The following NAPA variants were observed in gnomAD, a reference collection of about 807,000 sequenced individuals.
NAPA encodes alpha-soluble NSF attachment protein.
In NAPA, 18 loss-of-function variants were observed where a neutral mutation model predicts 48.0. That is an observed-to-expected ratio of 0.38 (90% CI 0.26 to 0.56). NAPA has a LOEUF of 0.56. Among genes scored for constraint, NAPA ranks in the 20% least tolerant of loss-of-function variants. The pLI is 0.77. For missense variants in NAPA, 315 were observed against 385.0 expected (o/e 0.82, Z 1.52); for synonymous variants, 152 against 149.9 (o/e 1.01, Z -0.10).
At chr19:47,500,832 G>A in intron 2 of NAPA, 83 bp from the exon 3 acceptor site, 2 of 1,110,784 alleles carry the variant, frequency 1.8e-6, no homozygotes, top group Non-Finnish European at 1.3e-6. Context: ...CTGGGAGGTG[G>A]GTCGGGCTCT....
At chr19:47,503,790 G>C (rs569816304) in intron 1 of NAPA, among the ~76,000 whole-genome samples, 1 of 152,310 alleles carries the variant, frequency 6.6e-6, no homozygotes, top group South Asian at 2.1e-4. Flanking sequence ...GGGTCTGACA[G>C]CCTCTTCTAC....
In NAPA at chr19:47,487,845, A is replaced by G. The variant is rs1485046253; in HGVS notation, c.*443T>C. 1.3e-5 allele frequency: 2 copies of G among 153,282 alleles called. No individual in the cohort carries two copies. The highest frequency in any genetic ancestry group is 2.4e-5 in the African/African-American group (1 of 41,438). The allele number at this position is 153,282 out of a possible 1,614,324, so 9.5% of individuals were successfully genotyped here. A position where few individuals can be genotyped will look rare whatever the true frequency, so the allele number is the denominator to read the frequency against. ...GCTGGGGGAAGAGGAGCCTGCCCCC[A>G]GCAGAAACAGCAGGTCTCAGCGGCT... On this transcript the variant is annotated 3_prime_UTR_variant, in exon 11 of 11. Transcript: ENST00000263354.
chr19:47,497,934 T>C (rs987994459), intron 3 of NAPA, among the ~76,000 whole-genome samples: 1 of 152,112 alleles, frequency 6.6e-6, no homozygotes, highest in South Asian at 2.1e-4. Context: ...CACCCCCAAC[T>C]ATCAGGCAGG....
At chr19:47,507,588 A>G (rs1424522780) in intron 1 of NAPA, among the ~76,000 whole-genome samples, 3 of 152,120 alleles carry the variant, frequency 2.0e-5, no homozygotes, top group Non-Finnish European at 4.4e-5. Context: ...TTTCCTCCTC[A>G]GACTTAAGGC....
chr19:47,500,366 C>T lies in NAPA; in HGVS notation c.295+267G>A, dbSNP rs187815010. On this transcript the variant is annotated intron_variant, in intron 3 of 10. Coordinates refer to ENST00000263354, the MANE Select transcript of NAPA (RefSeq NM_003827.4). ...ATGGAACTCCCACTCCCAAATGCTC[C>T]GGGATTGGGAAGGGGTGATCAGCTG... 1.9e-3 allele frequency among the ~76,000 whole-genome samples: 282 copies of T among 152,290 alleles called. 1 individual carries two copies. Among genetic ancestry groups the T allele is most frequent in the African/African-American group, 6.4e-3 (266 of 41,550 alleles).
At chr19:47,484,741 C>T (rs1968021187), downstream of NAPA, among the ~76,000 whole-genome samples, 1 of 141,406 alleles carries the variant, frequency 7.1e-6, no homozygotes, top group South Asian at 2.2e-4. Context: ...CGGAGTCTTG[C>T]TCTGTCACCC....
rs2122734362 is a variant in NAPA at position 47,493,234 on chromosome 19, T to TGAAGCTTCCACACCCTCCGC, written c.421-80_421-61dup. 3 of 1,530,878 alleles carry TGAAGCTTCCACACCCTCCGC rather than the reference T, an allele frequency of 2.0e-6. No homozygotes were observed. In the African/African-American group the frequency reaches 4.1e-5, roughly 21 times the overall value. The allele number at this position is 1,530,878 out of a possible 1,614,324, so 94.8% of individuals were successfully genotyped here. On this transcript the variant is annotated intron_variant, in intron 5 of 10. Transcript: ENST00000263354. This position sits in a 1 kb window ranked among gnomAD's most constrained non-coding sequence, Gnocchi z 6.4. ...GCAGGGAAGGGAGAGGAGGCCTCCG[T>TGAAGCTTCCACACCCTCCGC]GAAGCTTCCACACCCTCCGCCCTGC... is the stretch of plus-strand genomic sequence containing the variant.
intron 3 of NAPA, among the ~76,000 whole-genome samples, chr19:47,500,233 C>T (rs1250351039): frequency 6.6e-6 from 1 of 152,198 alleles, no homozygotes; most frequent in Admixed American, 6.5e-5. Flanking sequence ...GCAACTCCTA[C>T]CTGGCTGGTC....
At chr19:47,502,897 T>C (rs892005126) in intron 2 of NAPA, among the ~76,000 whole-genome samples, 8 of 152,236 alleles carry the variant, frequency 5.3e-5, no homozygotes, top group African/African-American at 1.9e-4. Flanking sequence ...CACTTACTAG[T>C]TCTGGCATCC....
At chr19:47,486,365 C>A (rs1371015053), downstream of NAPA, among the ~76,000 whole-genome samples, 1 of 151,656 alleles carries the variant, frequency 6.6e-6, no homozygotes, top group Non-Finnish European at 1.5e-5. Context: ...AAAAAAAAAA[C>A]AAACCCAAAA....
At chr19:47,494,068 C>T (rs779003281) in intron 4 of NAPA, among the ~76,000 whole-genome samples, 1 of 152,238 alleles carries the variant, frequency 6.6e-6, no homozygotes, top group Non-Finnish European at 1.5e-5. Context: ...AGTGTCCAGG[C>T]GCTTGCCTAA....
Position 47,506,858 on chromosome 19 carries a change from C to G in NAPA, c.99-3356G>C, listed in dbSNP as rs1968702914. The G allele has an allele frequency of 6.6e-6, 1 of 152,256 alleles. No individual in the cohort carries two copies. The highest frequency in any genetic ancestry group is 2.4e-5 in the African/African-American group (1 of 41,452). The allele number at this position is 152,256 out of a possible 1,614,324, so 9.4% of individuals were successfully genotyped here. A position where few individuals can be genotyped will look rare whatever the true frequency, so the allele number is the denominator to read the frequency against. On this transcript the variant is annotated intron_variant, in intron 1 of 10. Coordinates refer to ENST00000263354, the MANE Select transcript of NAPA (RefSeq NM_003827.4). This position sits in a 1 kb window ranked among gnomAD's most constrained non-coding sequence, Gnocchi z 4.0. ...ATGGCCAGGGGATGACAGGAGATCT[C>G]CAGGGTCCCATCCTCTTCTTTTAGA...
intron 3 of NAPA, chr19:47,496,909 A>T (rs771968132): frequency 5.1e-5 from 23 of 453,866 alleles, no homozygotes; most frequent in Non-Finnish European, 1.0e-4. Flanking sequence ...GGGGATCTAA[A>T]AGGGACTGAG....
intron 2 of NAPA, among the ~76,000 whole-genome samples, chr19:47,502,642 G>A (rs910374620): frequency 1.3e-5 from 2 of 152,242 alleles, no homozygotes; most frequent in African/African-American, 2.4e-5. Context: ...GTCTCTTGCC[G>A]TATTTCCTTA....
At chr19:47,492,907 G>T (rs763441535) in intron 7 of NAPA, 54 bp downstream of exon 7, 1 of 1,560,962 alleles carries the variant, frequency 6.4e-7, no homozygotes, top group East Asian at 2.2e-5. Context: ...TTAGGAGGAG[G>T]CACAGGCCCT....
chr19:47,512,672 C>CCT (rs1968827365), intron 1 of NAPA: 1 of 152,212 alleles, frequency 6.6e-6, no homozygotes, highest in Non-Finnish European at 1.5e-5. Flanking sequence ...ACACACACAC[C>CCT]CTCTCTCTCC....
chr19:47,492,544 C>T (rs1002692717), intron 7 of NAPA: 13 of 395,934 alleles, frequency 3.3e-5, no homozygotes, highest in Admixed American at 1.5e-4. Flanking sequence ...CCCAGGGCTC[C>T]GTGCACGCTG....
intron 3 of NAPA, among the ~76,000 whole-genome samples, chr19:47,497,757 C>T (rs948610248): frequency 6.6e-6 from 1 of 152,252 alleles, no homozygotes; most frequent in East Asian, 1.9e-4. Context: ...GTCATCTCCT[C>T]CTTAGTAAAA....
chr19:47,495,739 T>A (rs1178493936), intron 3 of NAPA, 143 bp from the exon 4 acceptor site: 23 of 737,680 alleles, frequency 3.1e-5, no homozygotes, highest in Non-Finnish European at 4.3e-5. Context: ...TGCCACACAC[T>A]CTCAAGGGGC....
Sources: allele counts gnomAD v4.1 joint callset (sites outside exome capture counted in the v4.1 genomes callset), GRCh38; gene constraint gnomAD v4.1.1; non-coding constraint Gnocchi (gnomAD v3.1); transcripts MANE v1.5; gene names NCBI Gene and HGNC (gene_info 2026-07-23, HGNC 2026-07-21).